TBX20: variants seen among roughly 807,000 people sequenced by gnomAD.
The protein encoded by TBX20 is T-box transcription factor TBX20.
Under a neutral mutation model 42.9 loss-of-function variants are expected in TBX20, and 8 were observed. The ratio of observed to expected loss-of-function variants is 0.19; its 90% CI spans 0.11 to 0.34. TBX20 has a LOEUF of 0.34. Among genes scored for constraint, TBX20 ranks in the 10% least tolerant of loss-of-function variants. TBX20 has a pLI of 1.00. For synonymous variants in TBX20, 198 were observed against 222.8 expected, an observed-to-expected ratio of 0.89 and a Z score of 0.99; for missense variants, 411 against 566.0, an observed-to-expected ratio of 0.73 and a Z score of 2.78.
intron 6 of TBX20, among the ~76,000 whole-genome samples, chr7:35,209,179 T>A (rs1180721704): frequency 6.6e-6 from 1 of 152,150 alleles, no homozygotes; most frequent in Admixed American, 6.5e-5. Flanking sequence ...AGTTTTAGTA[T>A]CAAGATAAGG....
intron 5 of TBX20, among the ~76,000 whole-genome samples, chr7:35,232,359 G>A (rs1789882954): frequency 6.6e-6 from 1 of 152,174 alleles, no homozygotes; most frequent in African/African-American, 2.4e-5. Context: ...TATGCACCAT[G>A]ACTCTGAAGG....
At chr7:35,211,133 A>C (rs879680829) in intron 6 of TBX20, among the ~76,000 whole-genome samples, 4 of 152,144 alleles carry the variant, frequency 2.6e-5, no homozygotes, top group Non-Finnish European at 4.4e-5. Flanking sequence ...CTTTCAAGTT[A>C]GTATAAGCCC....
At chr7:35,252,955 T>C (rs185843294) in intron 1 of TBX20, among the ~76,000 whole-genome samples, 1 of 152,376 alleles carries the variant, frequency 6.6e-6, no homozygotes, top group Non-Finnish European at 1.5e-5. Flanking sequence ...AGTTATAAAA[T>C]GATGTCTTGG....
chr7:35,227,838 C>T (rs1789801497), intron 6 of TBX20, among the ~76,000 whole-genome samples: 1 of 152,030 alleles, frequency 6.6e-6, no homozygotes, highest in African/African-American at 2.4e-5. Context: ...TTAATGGGTA[C>T]AGAGTTTCTG....
Position 35,253,767 on chromosome 7 carries a change from C to T in TBX20, c.-147G>A. The T allele has an allele frequency of 1.0e-6, 1 of 990,336 alleles. No homozygotes were observed. Among genetic ancestry groups the T allele is most frequent in the South Asian group, 1.6e-5 (1 of 61,990 alleles). 61.3% of individuals were successfully genotyped at this position (990,336 alleles called of 1,614,324 possible). On this transcript the variant is annotated 5_prime_UTR_variant, in exon 1 of 8. Coordinates refer to ENST00000408931, the MANE Select transcript of TBX20 (RefSeq NM_001077653.2). The stretch of plus-strand genomic sequence containing the variant: ...GGGACTCCAGAAGTGTCAGCTCCAA[C>T]GACTCCAGAGCTGCACACTGGCCTC...
chr7:35,205,474 T>C (rs1584338414), intron 6 of TBX20, among the ~76,000 whole-genome samples: 1 of 152,078 alleles, frequency 6.6e-6, no homozygotes, highest in Non-Finnish European at 1.5e-5. Context: ...CAATGCCAAA[T>C]TGACCAGCAA....
At chr7:35,215,302 T>C (rs1241330462) in intron 6 of TBX20, among the ~76,000 whole-genome samples, 1 of 152,212 alleles carries the variant, frequency 6.6e-6, no homozygotes, top group Non-Finnish European at 1.5e-5. Flanking sequence ...GCCTAAGTGA[T>C]TGAAAACAGT....
At chr7:35,240,857 A>G (rs1465456975) in intron 5 of TBX20, 22 bp downstream of exon 5, 1 of 1,610,996 alleles carries the variant, frequency 6.2e-7, no homozygotes, top group East Asian at 2.2e-5. Context: ...TGCAGGAACT[A>G]AATTGTGAAC....
rs1790268009 is a variant in TBX20 at position 35,249,801 on chromosome 7, C to G, written c.380+150G>C. ...ACTAGACATCCTGTAGCTCCTAATG[C>G]AAGCTGGTGGAAAGCAGCTGCCCTG... On this transcript the variant is annotated intron_variant, in intron 2 of 7. Transcript: ENST00000408931. The surrounding 1 kb of genome is among the most constrained non-coding windows in gnomAD (Gnocchi z 4.3). The G allele has an allele frequency of 3.5e-6, 3 of 863,612 alleles. No individual in the cohort carries two copies. The highest frequency in any genetic ancestry group is 5.3e-6 in the Non-Finnish European group (3 of 568,906). 53.5% of individuals were successfully genotyped at this position (863,612 alleles called of 1,614,324 possible). A position where few individuals can be genotyped will look rare whatever the true frequency, so the allele number is the denominator to read the frequency against.
intron 6 of TBX20, among the ~76,000 whole-genome samples, chr7:35,211,449 GAA>G (rs1458347786): frequency 6.6e-6 from 1 of 152,020 alleles, no homozygotes; most frequent in Non-Finnish European, 1.5e-5. Flanking sequence ...TTGTATGTCT[GAA>G]AAAGTCTTTA....
chr7:35,248,550 G>T, intron 3 of TBX20, 127 bp downstream of exon 3: 1 of 1,034,848 alleles, frequency 9.7e-7, no homozygotes. Context: ...GGAGTGTCCA[G>T]GCTTGGAATG....
At chr7:35,240,782 A>C (rs1266755887) in intron 5 of TBX20, 97 bp downstream of exon 5, 4 of 1,160,762 alleles carry the variant, frequency 3.4e-6, no homozygotes, top group Non-Finnish European at 3.8e-6. Flanking sequence ...GTGAACATCC[A>C]TTTTGAGTAC....
intron 6 of TBX20, among the ~76,000 whole-genome samples, chr7:35,223,495 T>C (rs2128712425): frequency 6.6e-6 from 1 of 151,854 alleles, no homozygotes; most frequent in East Asian, 1.9e-4. Flanking sequence ...TGTTTACAGA[T>C]GAATGAGATG....
At chr7:35,228,001 T>C (rs898031611) in intron 6 of TBX20, among the ~76,000 whole-genome samples, 25 of 152,134 alleles carry the variant, frequency 1.6e-4, no homozygotes, top group African/African-American at 5.5e-4. Flanking sequence ...AAAACCTCCA[T>C]TGCATGATTA....
chr7:35,232,280 A>G (rs1789880772), intron 5 of TBX20, among the ~76,000 whole-genome samples: 1 of 152,232 alleles, frequency 6.6e-6, no homozygotes, highest in African/African-American at 2.4e-5. Context: ...CTAAAATATT[A>G]AATGTCCATG....
intron 6 of TBX20, among the ~76,000 whole-genome samples, chr7:35,208,682 C>T (rs983447126): frequency 1.2e-4 from 15 of 125,834 alleles, no homozygotes; most frequent in African/African-American, 4.5e-4. Flanking sequence ...CTGGAGGTTG[C>T]AGTGAGCCAA....
chr7:35,253,286 G>A (rs1222281396), intron 1 of TBX20, among the ~76,000 whole-genome samples: 8 of 152,148 alleles, frequency 5.3e-5, no homozygotes, highest in Admixed American at 3.3e-4. Flanking sequence ...GGAGACCGAC[G>A]GGCCCAGATA....
chr7:35,248,729 G>A lies in TBX20; in HGVS notation c.493C>T (p.His165Tyr), dbSNP rs370219446. 3 of 1,614,194 alleles carry A rather than the reference G, an allele frequency of 1.9e-6. No homozygotes were observed. The highest frequency in any genetic ancestry group is 2.5e-6 in the Non-Finnish European group (3 of 1,180,046). The stretch of plus-strand genomic sequence containing the variant: ...CCAGCCACCAGCCAGGAGGACCGGT[G>A]GTAGGCGTAGCGGTACCTCTTGTTG... ...VDNKRYRYAY[H>Y]RSSWLVAGKA... Residue 165 changes from histidine to tyrosine, a missense_variant, in exon 3 of 8, where the codon CAC becomes TAC. Physicochemically the swap from His to Tyr is moderately conservative, Grantham distance 83. Transcript: ENST00000408931.
chr7:35,232,281 A>C (rs752685099), intron 5 of TBX20, among the ~76,000 whole-genome samples: 3 of 152,196 alleles, frequency 2.0e-5, no homozygotes, highest in Admixed American at 6.5e-5. Context: ...TAAAATATTA[A>C]ATGTCCATGC....
Sources: gnomAD v4.1 joint callset for allele counts (sites outside exome capture counted in the v4.1 genomes callset) on GRCh38, gnomAD v4.1.1 for gene constraint, Gnocchi (gnomAD v3.1) non-coding constraint, MANE v1.5 for transcripts, NCBI Gene and HGNC (gene_info 2026-07-23, HGNC 2026-07-21) for gene names.